DDX19B: variants seen among roughly 807,000 people sequenced by gnomAD.
The protein encoded by DDX19B is ATP-dependent RNA helicase DDX19B.
A neutral mutation model predicts 58.1 loss-of-function variants in DDX19B; 27 were observed. The ratio of observed to expected loss-of-function variants is 0.46; its 90% CI spans 0.34 to 0.64. The LOEUF (loss-of-function observed/expected upper bound fraction) is 0.64. Among genes scored for constraint, DDX19B ranks in the 30% least tolerant of loss-of-function variants. The probability of loss-of-function intolerance (pLI) is 0.01; values close to 1 mark genes in which losing one functional copy is unlikely to be tolerated. For missense variants in DDX19B, 399 were observed against 596.5 expected (o/e 0.67, Z 3.45); for synonymous variants, 187 against 214.4 (o/e 0.87, Z 1.12).
At position 70,333,626 on chromosome 16, in the gene DDX19B, C is replaced by A. The variant is rs1307361284; in HGVS notation, c.*44C>A. ...GATGCCAGCCCTGGCACTGCCCCTGCACAGGAGACAAGTGCGTTCAGGGCA... is the reference window on the plus strand; with the variant it reads ...GATGCCAGCCCTGGCACTGCCCCTGAACAGGAGACAAGTGCGTTCAGGGCA... On this transcript the variant is annotated 3_prime_UTR_variant, in exon 12 of 12. Transcript: ENST00000288071. 2.5e-6 allele frequency: 4 copies of A among 1,613,792 alleles called. No homozygotes were observed. Among genetic ancestry groups the A allele is most frequent in the Non-Finnish European group, 1.7e-6 (2 of 1,179,656 alleles).
intron 1 of DDX19B, among the ~76,000 whole-genome samples, chr16:70,310,158 G>A (rs537595815): frequency 4.6e-4 from 70 of 152,168 alleles, no homozygotes; most frequent in Non-Finnish European, 7.9e-4. Flanking sequence ...CAAGGTGGGC[G>A]GATCATGAGG....
rs759524774 is a variant in DDX19B, at chr16:70,331,823, G to A, written c.1125G>A (p.Val375=). The A allele has an allele frequency of 2.5e-5, 41 of 1,614,038 alleles. No individual in the cohort carries two copies. Among genetic ancestry groups the A allele is most frequent in the Admixed American group, 8.3e-5 (5 of 59,994 alleles). ...GEMMVEQRAA[V]IERFREGKEK... ...TGATGGTGGAACAGAGGGCTGCAGT[G>A]ATTGAGCGCTTCCGAGAGGGCAAAG... Residue 375 remains valine (V), a synonymous_variant, in exon 10 of 12, where the codon GTG becomes GTA. Coordinates refer to ENST00000288071, the MANE Select transcript of DDX19B (RefSeq NM_007242.7).
intron 9 of DDX19B, among the ~76,000 whole-genome samples, chr16:70,331,050 ATTTAAAATAAAAT>A (rs1422000246): frequency 1.3e-5 from 2 of 152,082 alleles, no homozygotes; most frequent in Admixed American, 1.3e-4. Context: ...AAAAATTTAA[ATTTAAAATAAAAT>A]TTTAAAATAT....
At chr16:70,330,108 T>C (rs768584437) in intron 9 of DDX19B, 40 bp downstream of exon 9, 2 of 1,609,940 alleles carry the variant, frequency 1.2e-6, no homozygotes, top group Admixed American at 1.7e-5. Flanking sequence ...CCCTTCCCTC[T>C]CAGCCAGCTC....
chr16:70,331,688 G>T, intron 9 of DDX19B, 34 bp from the exon 10 acceptor site: 3 of 1,604,170 alleles, frequency 1.9e-6, no homozygotes, highest in Non-Finnish European at 2.6e-6. Context: ...TTTTTAACAG[G>T]TCTCTTCATA....
chr16:70,296,954 C>T (rs979708579), upstream of DDX19B, among the ~76,000 whole-genome samples: 12 of 152,012 alleles, frequency 7.9e-5, no homozygotes, highest in Non-Finnish European at 8.8e-5. Flanking sequence ...CTTGCTCTGT[C>T]GTCCAGGCTG....
intron 7 of DDX19B, among the ~76,000 whole-genome samples, chr16:70,327,008 G>A (rs536863982): frequency 1.4e-4 from 21 of 151,566 alleles, no homozygotes; most frequent in African/African-American, 5.1e-4. Flanking sequence ...CTAATTTTTT[G>A]TATTTTTAGT....
At chr16:70,314,016 G>A (rs1962229497) in intron 2 of DDX19B, among the ~76,000 whole-genome samples, 1 of 152,040 alleles carries the variant, frequency 6.6e-6, no homozygotes, top group Non-Finnish European at 1.5e-5. Context: ...TACTGAAACA[G>A]TGGAATCTCT....
intron 1 of DDX19B, among the ~76,000 whole-genome samples, chr16:70,302,125 T>A (rs944728951): frequency 1.3e-5 from 2 of 151,856 alleles, no homozygotes; most frequent in African/African-American, 2.4e-5. Context: ...TTCACCATGT[T>A]GGCCAGGCTG....
intron 5 of DDX19B, among the ~76,000 whole-genome samples, chr16:70,318,096 G>C (rs1212597357): frequency 6.8e-6 from 1 of 148,094 alleles, no homozygotes; most frequent in African/African-American, 2.5e-5. Flanking sequence ...AAGGGGGCCA[G>C]GTGCAGTGGC....
intron 7 of DDX19B, among the ~76,000 whole-genome samples, chr16:70,328,359 A>ATTTTTTTTTTTTTTTTTTTTTTTTT (rs1202085538): frequency 7.6e-6 from 1 of 131,378 alleles, no homozygotes. Flanking sequence ...AGAATTCTGA[A>ATTTTTTTTTTTTTTTTTTTTTTTTT]TTTTTTTTTT....
chr16:70,294,923 T>A, upstream of DDX19B: 1 of 1,520,570 alleles, frequency 6.6e-7, no homozygotes, highest in Non-Finnish European at 8.8e-7. Context: ...GCGACGTGAG[T>A]ATCTGCGAGG....
At chr16:70,331,238 G>A (rs2152215056) in intron 9 of DDX19B, among the ~76,000 whole-genome samples, 1 of 152,040 alleles carries the variant, frequency 6.6e-6, no homozygotes, top group African/African-American at 2.4e-5. Context: ...TGTAGAGGTG[G>A]GGTCTTGCTA....
At chr16:70,292,459 A>G (rs925631545), upstream of DDX19B, among the ~76,000 whole-genome samples, 1 of 152,178 alleles carries the variant, frequency 6.6e-6, no homozygotes, top group Non-Finnish European at 1.5e-5. Flanking sequence ...CTTGTCTCTT[A>G]AAACAAAAAA....
intron 5 of DDX19B, chr16:70,319,503 A>G (rs571130412): frequency 6.6e-6 from 1 of 152,050 alleles, no homozygotes; most frequent in South Asian, 2.1e-4. Context: ...GCATGATGGA[A>G]TTTTAATACA....
chr16:70,312,836 T>A (rs1962161927), intron 2 of DDX19B, among the ~76,000 whole-genome samples, 179 bp downstream of exon 2: 1 of 152,064 alleles, frequency 6.6e-6, no homozygotes, highest in Non-Finnish European at 1.5e-5. Context: ...TTTTTATTTA[T>A]TTTTTTGTTT....
At position 70,329,824 on chromosome 16, in the gene DDX19B, C is replaced by T; in HGVS notation, c.786-7C>T. The stretch of plus-strand genomic sequence containing the variant: ...CTGGGGCCACCTACCAGGGCCTTCC[C>T]TTGCAGGATGCTGCCCAGGAACTGC... On this transcript the variant is annotated splice_polypyrimidine_tract_variant and splice_region_variant and intron_variant, in intron 8 of 11. Coordinates refer to ENST00000288071, the MANE Select transcript of DDX19B (RefSeq NM_007242.7). 6.2e-7 allele frequency: 1 copy of T among 1,614,010 alleles called. No individual in the cohort carries two copies. Among genetic ancestry groups the T allele is most frequent in the Non-Finnish European group, 8.5e-7 (1 of 1,179,964 alleles).
chr16:70,289,931 C>G (rs1961014257), upstream of DDX19B: 2 of 349,932 alleles, frequency 5.7e-6, no homozygotes, highest in Non-Finnish European at 1.1e-5. Context: ...CTCAAAGAGT[C>G]TGACATTGTG....
At chr16:70,294,917 C>T (rs934363283), upstream of DDX19B, 12 of 1,523,236 alleles carry the variant, frequency 7.9e-6, no homozygotes, top group African/African-American at 1.5e-4. Context: ...CTGTGGGCGA[C>T]GTGAGTATCT....
Sources: gnomAD v4.1 joint callset for allele counts (sites outside exome capture counted in the v4.1 genomes callset) on GRCh38, gnomAD v4.1.1 for gene constraint, MANE v1.5 for transcripts, NCBI Gene and HGNC (gene_info 2026-07-23, HGNC 2026-07-21) for gene names.